SAMD5: variants seen among roughly 807,000 people sequenced by gnomAD.
The protein encoded by SAMD5 is sterile alpha motif domain-containing protein 5.
SAMD5 carries 13 observed loss-of-function variants against 11.3 expected under a neutral mutation model. That is an observed-to-expected ratio of 1.15 (90% CI 0.75 to 1.83). The LOEUF is 1.83. Ranked by LOEUF, SAMD5 falls within the 40% of genes most tolerant of loss-of-function variation. The pLI is 0.00. For missense variants in SAMD5, 255 were observed against 239.1 expected (o/e 1.07, Z -0.44); for synonymous variants, 129 against 111.3 (o/e 1.16, Z -1.00).
At chr6:147,680,365 T>A (rs1252413968) in intron 1 of SAMD5, among the ~76,000 whole-genome samples, 1 of 152,150 alleles carries the variant, frequency 6.6e-6, no homozygotes, top group Non-Finnish European at 1.5e-5. Context: ...TGTATCTTGA[T>A]CTTGTATCCT....
rs1789871363 is a variant in SAMD5, at chr6:147,616,277, A to ATATATAT, written c.162+106891_162+106892insATATATT. Among the ~76,000 whole-genome samples, 2 of 122,154 alleles carry ATATATAT rather than the reference A, an allele frequency of 1.6e-5. 1 individual carries two copies. The highest frequency in any genetic ancestry group is 1.1e-4 in the African/African-American group (2 of 18,958). 80.1% of individuals were successfully genotyped at this position (122,154 alleles called of 152,430 possible). ...ATTCATATATATTTCATATATATTT[A>ATATATAT]TTCATATATACTTCATATATATTTC... On this transcript the variant is annotated intron_variant, in intron 1 of 1. Coordinates refer to the SAMD5 transcript ENST00000566741.
chr6:147,550,541 G>A (rs1233903159), intron 1 of SAMD5, among the ~76,000 whole-genome samples: 1 of 152,076 alleles, frequency 6.6e-6, no homozygotes, highest in Non-Finnish European at 1.5e-5. Flanking sequence ...AAAAAATGTG[G>A]TATATATACA....
chr6:147,822,402 T>G, the SAMD5 span, among the ~76,000 whole-genome samples: 16 of 152,336 alleles, frequency 1.1e-4, no homozygotes, highest in South Asian at 3.3e-3. Context: ...ATTTAATAGA[T>G]CACCTCAAAA....
chr6:147,828,908 C>T, the SAMD5 span, among the ~76,000 whole-genome samples: 21 of 152,110 alleles, frequency 1.4e-4, no homozygotes, highest in African/African-American at 3.6e-4. Flanking sequence ...GGAGACAGAA[C>T]GCTCAAAGGA....
chr6:147,947,541 G>C, the SAMD5 span: 1 of 152,214 alleles, frequency 6.6e-6, no homozygotes, highest in East Asian at 1.9e-4. Context: ...TTTTGCTCTG[G>C]TACAAGGTAC....
intron 1 of SAMD5, among the ~76,000 whole-genome samples, chr6:147,553,113 C>T (rs1007772791): frequency 4.8e-4 from 73 of 152,212 alleles, no homozygotes; most frequent in Admixed American, 1.5e-3. Flanking sequence ...GTGCCAGATA[C>T]TGTTCTAAAC....
At chr6:147,676,652 A>G (rs146390996) in intron 1 of SAMD5, among the ~76,000 whole-genome samples, 1 of 152,188 alleles carries the variant, frequency 6.6e-6, no homozygotes, top group East Asian at 1.9e-4. Flanking sequence ...GTAGGCAGTC[A>G]GTATATACAT....
At chr6:147,607,503 T>C (rs1236580748) in intron 1 of SAMD5, among the ~76,000 whole-genome samples, 2 of 152,132 alleles carry the variant, frequency 1.3e-5, no homozygotes, top group Admixed American at 6.6e-5. Context: ...TGGGACAGAA[T>C]GGAGAACCCA....
the SAMD5 span, among the ~76,000 whole-genome samples, chr6:147,745,898 C>T: frequency 1.3e-4 from 19 of 151,878 alleles, no homozygotes; most frequent in East Asian, 1.9e-3. Context: ...TGCACCACCA[C>T]GCCTGGCTAA....
At chr6:147,705,293 A>G (rs1383630754) in intron 1 of SAMD5, among the ~76,000 whole-genome samples, 2 of 152,196 alleles carry the variant, frequency 1.3e-5, no homozygotes, top group African/African-American at 2.4e-5. Context: ...AGATATCTAT[A>G]AAGTTAACTA....
intron 1 of SAMD5, among the ~76,000 whole-genome samples, chr6:147,734,963 G>A (rs753819102): frequency 2.0e-5 from 3 of 151,968 alleles, no homozygotes; most frequent in Admixed American, 6.6e-5. Flanking sequence ...TGATATATGT[G>A]CCTCATATCT....
chr6:147,596,814 G>T (rs1306793873), intron 1 of SAMD5, among the ~76,000 whole-genome samples: 5 of 152,196 alleles, frequency 3.3e-5, no homozygotes, highest in Non-Finnish European at 5.9e-5. Flanking sequence ...TGTGGAAGAA[G>T]GGTCTATGTC....
the SAMD5 span, among the ~76,000 whole-genome samples, chr6:147,913,415 G>T: frequency 6.6e-6 from 1 of 152,282 alleles, no homozygotes; most frequent in South Asian, 2.1e-4. Flanking sequence ...TGAAATGGGG[G>T]CTGGGGGCAG....
At position 147,736,377 on chromosome 6, in the gene SAMD5, C is replaced by A. The variant is rs1280212717; in HGVS notation, c.163-940C>A. On this transcript the variant is annotated intron_variant, in intron 1 of 1. Coordinates refer to the SAMD5 transcript ENST00000566741. ...TCCTTTAATTCTTTTCTTTAAAATA[C>A]TGTCAAAACTTTCTCCCTAATTTGA... 2.0e-5 allele frequency among the ~76,000 whole-genome samples: 3 copies of A among 152,138 alleles called. 1 individual carries two copies. The highest frequency in any genetic ancestry group is 7.2e-5 in the African/African-American group (3 of 41,438).
the SAMD5 span, among the ~76,000 whole-genome samples, chr6:147,756,954 T>C: frequency 0.012 from 1,756 of 152,302 alleles, 33 homozygotes; most frequent in African/African-American, 0.041. Context: ...AGTGGATGTG[T>C]TGAAGATTTA....
chr6:147,825,953 C>G, the SAMD5 span, among the ~76,000 whole-genome samples: 1 of 152,152 alleles, frequency 6.6e-6, no homozygotes, highest in African/African-American at 2.4e-5. Flanking sequence ...GTGTTTCCTG[C>G]TGGGTAATAA....
chr6:147,778,075 T>C, the SAMD5 span, among the ~76,000 whole-genome samples: 1 of 152,178 alleles, frequency 6.6e-6, no homozygotes, highest in East Asian at 1.9e-4. Context: ...TTTTCACAGT[T>C]TTACATTCTT....
chr6:147,789,877 C>G, the SAMD5 span, among the ~76,000 whole-genome samples: 1 of 152,160 alleles, frequency 6.6e-6, no homozygotes, highest in Non-Finnish European at 1.5e-5. Flanking sequence ...TAAATTAAAG[C>G]TACAGCAGGG....
At chr6:147,894,444 ACT>A in the SAMD5 span, among the ~76,000 whole-genome samples, 3 of 151,668 alleles carry the variant, frequency 2.0e-5, no homozygotes, top group Admixed American at 2.0e-4. Flanking sequence ...TTTGATACTG[ACT>A]CTGTAGGTCA....
Sources: allele counts gnomAD v4.1 joint callset (sites outside exome capture counted in the v4.1 genomes callset), GRCh38; gene constraint gnomAD v4.1.1; transcripts MANE v1.5; gene names NCBI Gene and HGNC (gene_info 2026-07-23, HGNC 2026-07-21).